FRY: variants seen among roughly 807,000 people sequenced by gnomAD.
FRY encodes the protein protein furry homolog.
Under a neutral mutation model 348.4 loss-of-function variants are expected in FRY, and 128 were observed. The ratio of observed to expected loss-of-function variants is 0.37; its 90% CI spans 0.32 to 0.43. FRY has a LOEUF of 0.43. FRY is among the 20% of genes least tolerant of loss of function. The pLI is 1.00. For synonymous variants in FRY, 1,370 were observed against 1,374.7 expected (o/e 1.00, Z 0.08); for missense variants, 2,736 against 3,695.2 (o/e 0.74, Z 6.73).
intron 24 of FRY, among the ~76,000 whole-genome samples, chr13:32,183,504 G>C (rs542008052): frequency 6.6e-6 from 1 of 152,336 alleles, no homozygotes; most frequent in African/African-American, 2.4e-5. Flanking sequence ...AGGGCCAGGC[G>C]CGATGGCGCA....
At chr13:32,105,794 A>C (rs561533479) in intron 3 of FRY, among the ~76,000 whole-genome samples, 1 of 152,246 alleles carries the variant, frequency 6.6e-6, no homozygotes, top group East Asian at 1.9e-4. Context: ...ATTTGTATCA[A>C]GTTCTTTCTT....
chr13:32,184,299 C>T (rs1566117230), intron 24 of FRY, among the ~76,000 whole-genome samples: 1 of 152,204 alleles, frequency 6.6e-6, no homozygotes, highest in Non-Finnish European at 1.5e-5. Flanking sequence ...CTGCCCCTTT[C>T]ACTGGTTTGA....
At chr13:32,177,675 A>T (rs987062339) in intron 20 of FRY, among the ~76,000 whole-genome samples, 2 of 152,142 alleles carry the variant, frequency 1.3e-5, no homozygotes, top group African/African-American at 4.8e-5. Flanking sequence ...CCTTCATAAA[A>T]GGGATTGTGC....
At chr13:32,241,006 C>T (rs995301103) in intron 46 of FRY, among the ~76,000 whole-genome samples, 1 of 152,110 alleles carries the variant, frequency 6.6e-6, no homozygotes, top group African/African-American at 2.4e-5. Flanking sequence ...CTGTCAGCAG[C>T]CCAGGATTCA....
At chr13:32,181,575 CA>C (rs35272711) in intron 23 of FRY, among the ~76,000 whole-genome samples, 798 of 59,026 alleles carry the variant, frequency 0.014, 1 homozygote, top group African/African-American at 0.021. Context: ...ACTCCGTCAC[CA>C]AAAAAAAAAA....
intron 51 of FRY, 71 bp downstream of exon 51, chr13:32,254,465 T>G: frequency 7.7e-7 from 1 of 1,294,018 alleles, no homozygotes; most frequent in Non-Finnish European, 1.1e-6. Flanking sequence ...TCTTTTTACC[T>G]GCTAAATAAT....
chr13:32,059,458 CAAAAAA>C (rs10692049), intron 1 of FRY, among the ~76,000 whole-genome samples: 102 of 111,422 alleles, frequency 9.2e-4, no homozygotes, highest in African/African-American at 3.3e-3. Flanking sequence ...ACTTAGGAAG[CAAAAAA>C]AAAAAAAAAA....
At chr13:32,262,227 C>T (rs556370091) in intron 52 of FRY, 87 bp from the exon 53 acceptor site, 41 of 1,025,478 alleles carry the variant, frequency 4.0e-5, no homozygotes, top group African/African-American at 3.0e-4. Context: ...AAAATTAAGA[C>T]GTATTAACCA....
At chr13:32,082,079 G>GA (rs1875534871) in intron 2 of FRY, among the ~76,000 whole-genome samples, 1 of 152,034 alleles carries the variant, frequency 6.6e-6, no homozygotes, top group South Asian at 2.1e-4. Flanking sequence ...GACTACTCAG[G>GA]AATCTGTATT....
chr13:32,210,972 A>G lies in FRY; in HGVS notation c.4529A>G (p.His1510Arg). ...QTEPVNPIVQ[H>R]CDNPPFYRFT... ...GAGCCCGTGAACCCCATCGTCCAGC[A>G]TTGTGACAACCCGCCCTTCTACCGC... is the stretch of plus-strand genomic sequence containing the variant. Residue 1510 changes from histidine (H) to arginine (R), a missense_variant, in exon 34 of 61, where the codon CAT (histidine) becomes CGT (arginine). Coordinates refer to ENST00000542859, the MANE Select transcript of FRY (RefSeq NM_023037.3). The G allele has an allele frequency of 6.2e-7, 1 of 1,613,970 alleles. No homozygotes were observed. Among genetic ancestry groups the G allele is most frequent in the Non-Finnish European group, 8.5e-7 (1 of 1,179,844 alleles).
At chr13:32,260,763 C>T (rs1887589198) in intron 51 of FRY, among the ~76,000 whole-genome samples, 2 of 151,762 alleles carry the variant, frequency 1.3e-5, no homozygotes, top group African/African-American at 4.8e-5. Context: ...GAGGTTGCCG[C>T]AAGCTGAGAT....
rs757937846 is a variant in FRY at position 32,186,296 on chromosome 13, T to A, written c.3356T>A (p.Leu1119Gln). ...AGATTTCTCTTCCCCCAGCAAAGTC[T>A]GAGGCACCACCTTTTCATCTTATTC... is the stretch of plus-strand genomic sequence containing the variant. The part of the protein sequence containing the change: ...HRRFLFPQQS[L>Q]RHHLFILFSQ... Residue 1119 changes from leucine to glutamine, a missense_variant, in exon 27 of 61, where the codon CTG (leucine) becomes CAG (glutamine). Leu to Gln is a moderately radical substitution (Grantham distance 113). Coordinates refer to ENST00000542859, the MANE Select transcript of FRY (RefSeq NM_023037.3). The A allele has an allele frequency of 6.2e-7, 1 of 1,613,730 alleles. No homozygotes were observed. The highest frequency in any genetic ancestry group is 8.5e-7 in the Non-Finnish European group (1 of 1,179,634).
intron 1 of FRY, among the ~76,000 whole-genome samples, chr13:32,063,816 T>C (rs903982700): frequency 1.3e-5 from 2 of 152,224 alleles, no homozygotes; most frequent in African/African-American, 4.8e-5. Context: ...CTGAGCATAA[T>C]TGGCGCTTTA....
chr13:32,151,812 G>A (rs958354520), intron 14 of FRY, among the ~76,000 whole-genome samples: 1 of 152,100 alleles, frequency 6.6e-6, no homozygotes, highest in Non-Finnish European at 1.5e-5. Flanking sequence ...CTAGCGGCAA[G>A]AAGAAGAAAT....
At chr13:32,287,983 CT>C in intron 58 of FRY, 1 of 343,754 alleles carries the variant, frequency 2.9e-6, no homozygotes. Context: ...CATGTTCTCC[CT>C]TTCTCATTTT....
chr13:32,153,087 A>T (rs1593673292), intron 14 of FRY, among the ~76,000 whole-genome samples: 1 of 152,202 alleles, frequency 6.6e-6, no homozygotes, highest in Admixed American at 6.5e-5. Flanking sequence ...CTAGAACCTC[A>T]TACTATTCTA....
chr13:32,080,064 TG>T (rs1875378898), intron 2 of FRY, among the ~76,000 whole-genome samples: 2 of 152,250 alleles, frequency 1.3e-5, no homozygotes, highest in African/African-American at 4.8e-5. Context: ...CAAGAATGTT[TG>T]TTAAGTGTGT....
chr13:32,185,100 C>T lies in FRY; in HGVS notation c.3271C>T (p.Arg1091Trp). The change falls in exon 26 of 61, where the codon CGG becomes TGG. Residue 1091 changes from arginine to tryptophan, a missense_variant. Physicochemically the swap from Arg to Trp is moderately radical, Grantham distance 101. Coordinates refer to ENST00000542859, the MANE Select transcript of FRY (RefSeq NM_023037.3). ...DKEVEILKDI[R>W]AHFSAMVANL... is the part of the protein sequence containing the mutation. ...AGAAGTTGAAATTCTTAAAGATATCCGGGCACATTTTAGTGCAATGGTGGC... is the reference window on the plus strand; with the variant it reads ...AGAAGTTGAAATTCTTAAAGATATCTGGGCACATTTTAGTGCAATGGTGGC... The T allele has an allele frequency of 1.9e-6, 3 of 1,613,938 alleles. No homozygotes were observed. Among genetic ancestry groups the T allele is most frequent in the Non-Finnish European group, 1.7e-6 (2 of 1,179,848 alleles).
intron 43 of FRY, 42 bp downstream of exon 43, chr13:32,236,214 C>CAGTAT: frequency 1.5e-6 from 2 of 1,344,628 alleles, no homozygotes; most frequent in Non-Finnish European, 2.1e-6. Context: ...AAGTATACTG[C>CAGTAT]ACAGGAGTAT....
Sources: allele counts gnomAD v4.1 joint callset (sites outside exome capture counted in the v4.1 genomes callset), GRCh38; gene constraint gnomAD v4.1.1; transcripts MANE v1.5; gene names NCBI Gene and HGNC (gene_info 2026-07-23, HGNC 2026-07-21).